NSG2: variants seen among roughly 807,000 people sequenced by gnomAD.
NSG2 encodes the protein neuronal vesicle trafficking-associated protein 2.
Under a neutral mutation model 16.9 loss-of-function variants are expected in NSG2, and 4 were observed. The ratio of observed to expected loss-of-function variants is 0.24; its 90% CI spans 0.12 to 0.54. NSG2 has a LOEUF of 0.54. NSG2 is among the 20% of genes least tolerant of loss of function. The pLI is 0.95. For synonymous variants in NSG2, 98 were observed against 88.7 expected (o/e 1.11, Z -0.59); for missense variants, 179 against 221.1 (o/e 0.81, Z 1.21).
intron 2 of NSG2, among the ~76,000 whole-genome samples, chr5:174,059,765 T>C (rs1760021648): frequency 6.6e-6 from 1 of 152,226 alleles, no homozygotes. Context: ...TGTGCTGCCT[T>C]GTTCTTCTCC....
At chr5:174,097,453 G>A (rs114700020) in intron 3 of NSG2, among the ~76,000 whole-genome samples, 9,004 of 151,184 alleles carry the variant, frequency 0.06, 351 homozygotes, top group East Asian at 0.091. Context: ...TGGATGTCTG[G>A]GGGGAGGCTG....
At chr5:174,069,793 A>G (rs1010904312) in intron 3 of NSG2, among the ~76,000 whole-genome samples, 13 of 150,586 alleles carry the variant, frequency 8.6e-5, no homozygotes, top group East Asian at 5.8e-4. Context: ...TAGCCAGTTC[A>G]TTGTCAGGAT....
intron 3 of NSG2, among the ~76,000 whole-genome samples, chr5:174,073,636 T>C (rs1370872521): frequency 6.6e-6 from 1 of 152,204 alleles, no homozygotes; most frequent in African/African-American, 2.4e-5. Flanking sequence ...TGTTATTAAT[T>C]GATAGTTGCA....
At chr5:174,069,271 A>G (rs960011706) in intron 3 of NSG2, among the ~76,000 whole-genome samples, 1 of 152,036 alleles carries the variant, frequency 6.6e-6, no homozygotes, top group Admixed American at 6.5e-5. Flanking sequence ...TGTTGGTGCT[A>G]TGGAAGATGC....
chr5:174,083,599 G>A (rs1760534573), intron 3 of NSG2, among the ~76,000 whole-genome samples: 1 of 152,136 alleles, frequency 6.6e-6, no homozygotes, highest in Non-Finnish European at 1.5e-5. Flanking sequence ...TCAGGAGCTG[G>A]CGTGCTTGCA....
At chr5:174,104,374 A>T in intron 4 of NSG2, 36 bp downstream of exon 4, 1 of 1,441,402 alleles carries the variant, frequency 6.9e-7, no homozygotes, top group Admixed American at 1.7e-5. Flanking sequence ...GTCACTATCA[A>T]ATTCAGTTAG....
intron 3 of NSG2, among the ~76,000 whole-genome samples, chr5:174,098,579 C>T (rs964019361): frequency 1.3e-5 from 2 of 152,196 alleles, no homozygotes; most frequent in East Asian, 1.9e-4. Context: ...AGTCCCCTCT[C>T]GCTTCCAGGA....
At chr5:174,097,169 C>G (rs1760810525) in intron 3 of NSG2, among the ~76,000 whole-genome samples, 1 of 152,158 alleles carries the variant, frequency 6.6e-6, no homozygotes, top group Admixed American at 6.5e-5. Context: ...CCCGGCACAT[C>G]TTTGCCAGAG....
At chr5:174,085,280 G>C (rs944815839) in intron 3 of NSG2, among the ~76,000 whole-genome samples, 2 of 152,242 alleles carry the variant, frequency 1.3e-5, no homozygotes, top group Admixed American at 6.5e-5. Flanking sequence ...AGGAGATGCA[G>C]ATAAGGAGAC....
intron 3 of NSG2, among the ~76,000 whole-genome samples, chr5:174,069,929 G>GT (rs983990612): frequency 2.7e-5 from 4 of 148,886 alleles, no homozygotes; most frequent in Non-Finnish European, 5.9e-5. Context: ...CAAGACTGGA[G>GT]TGCACTAGCA....
chr5:174,077,594 T>C (rs1212079811), intron 3 of NSG2, among the ~76,000 whole-genome samples: 1 of 152,226 alleles, frequency 6.6e-6, no homozygotes, highest in African/African-American at 2.4e-5. Flanking sequence ...CCTATTCATC[T>C]CATAAAACTG....
chr5:174,093,581 C>T (rs1760751944), intron 3 of NSG2, among the ~76,000 whole-genome samples: 1 of 152,206 alleles, frequency 6.6e-6, no homozygotes, highest in African/African-American at 2.4e-5. Flanking sequence ...ACAGAGGTTG[C>T]AACCCCTTTG....
At chr5:174,084,177 A>C (rs1358952231) in intron 3 of NSG2, 2 of 152,170 alleles carry the variant, frequency 1.3e-5, no homozygotes, top group East Asian at 1.9e-4. Flanking sequence ...TGGGAATAAC[A>C]GTAATTATAC....
intron 3 of NSG2, among the ~76,000 whole-genome samples, chr5:174,095,230 T>C (rs1281261878): frequency 1.3e-5 from 2 of 152,180 alleles, no homozygotes; most frequent in African/African-American, 2.4e-5. Context: ...TTGTAGCACG[T>C]ATACCAGGCA....
chr5:174,078,728 C>A (rs971093250), intron 3 of NSG2, among the ~76,000 whole-genome samples: 1 of 152,102 alleles, frequency 6.6e-6, no homozygotes, highest in South Asian at 2.1e-4. Flanking sequence ...ATAACAGAGG[C>A]CCCAAGAAGC....
Position 174,098,613 on chromosome 5 carries a change from C to T in NSG2, c.214-5615C>T, listed in dbSNP as rs923363149. On this transcript the variant is annotated intron_variant, in intron 3 of 4. Coordinates refer to ENST00000303177, the MANE Select transcript of NSG2 (RefSeq NM_015980.5). ...GACCACCCCGTCAAAGGGCCCCCCT[C>T]GTGTGCTCTGTTCAGACCACATTCA... 3.3e-5 allele frequency among the ~76,000 whole-genome samples: 5 copies of T among 152,182 alleles called. No individual in the cohort carries two copies. In the East Asian group the frequency reaches 5.8e-4, roughly 18 times the overall value.
chr5:174,070,158 A>G (rs1358663573), intron 3 of NSG2, among the ~76,000 whole-genome samples: 1 of 151,918 alleles, frequency 6.6e-6, no homozygotes, highest in African/African-American at 2.4e-5. Flanking sequence ...AAGTTCTGGG[A>G]TTACAGGTGT....
chr5:174,070,784 T>G (rs1051031970), intron 3 of NSG2, among the ~76,000 whole-genome samples: 2 of 152,158 alleles, frequency 1.3e-5, no homozygotes, highest in African/African-American at 4.8e-5. Flanking sequence ...CCCACTGTCC[T>G]CTGCCTGGCC....
In NSG2 at chr5:174,108,859, G is replaced by T. The variant is rs1467553797; in HGVS notation, c.*1354G>T. The T allele has an allele frequency of 2.6e-5, 4 of 152,860 alleles. No individual in the cohort carries two copies. In the East Asian group the frequency reaches 7.5e-4, roughly 29 times the overall value. 9.5% of individuals were successfully genotyped at this position (152,860 alleles called of 1,614,324 possible). Reference sequence around the variant, plus strand: ...CAAGTCTCCCACAGGCCATGTAAAGGGTATTTTTTTGTGGCTTGCTGTGTT... The same window carrying T: ...CAAGTCTCCCACAGGCCATGTAAAGTGTATTTTTTTGTGGCTTGCTGTGTT... On this transcript the variant is annotated 3_prime_UTR_variant, in exon 5 of 5. Coordinates refer to ENST00000303177, the MANE Select transcript of NSG2 (RefSeq NM_015980.5).
Sources: allele counts gnomAD v4.1 joint callset (sites outside exome capture counted in the v4.1 genomes callset), GRCh38; gene constraint gnomAD v4.1.1; transcripts MANE v1.5; gene names NCBI Gene and HGNC (gene_info 2026-07-23, HGNC 2026-07-21).